DLG2: variants seen among roughly 807,000 people sequenced by gnomAD.
DLG2 encodes discs large MAGUK scaffold protein 2, also known as disks large homolog 2.
A neutral mutation model predicts 132.5 loss-of-function variants in DLG2; 45 were observed. The ratio of observed to expected loss-of-function variants is 0.34; its 90% CI spans 0.27 to 0.44. The LOEUF (loss-of-function observed/expected upper bound fraction) is 0.44. Among genes scored for constraint, DLG2 ranks in the 20% least tolerant of loss-of-function variants. The probability of loss-of-function intolerance (pLI) is 1.00; values close to 1 mark genes in which losing one functional copy is unlikely to be tolerated. For synonymous variants in DLG2, 424 were observed against 419.6 expected (o/e 1.01, Z -0.13); for missense variants, 1,045 against 1,196.9 (o/e 0.87, Z 1.87).
intron 6 of DLG2, among the ~76,000 whole-genome samples, chr11:84,538,407 T>A (rs2099360562): frequency 6.6e-6 from 1 of 152,186 alleles, no homozygotes; most frequent in South Asian, 2.1e-4. Flanking sequence ...ACATTACCCT[T>A]AGGTGATTGA....
intron 2 of DLG2, among the ~76,000 whole-genome samples, chr11:85,612,615 G>A (rs1321735738): frequency 6.6e-6 from 1 of 152,038 alleles, no homozygotes; most frequent in Non-Finnish European, 1.5e-5. Context: ...AAACTTACAA[G>A]GTTTTCAACA....
At chr11:84,057,955 C>T (rs1489109818) in intron 11 of DLG2, among the ~76,000 whole-genome samples, 1 of 152,110 alleles carries the variant, frequency 6.6e-6, no homozygotes, top group Non-Finnish European at 1.5e-5. Context: ...TACCATGTGC[C>T]AGCTATTGGC....
At chr11:84,831,964 T>C (rs996571938) in intron 6 of DLG2, among the ~76,000 whole-genome samples, 5 of 151,578 alleles carry the variant, frequency 3.3e-5, no homozygotes, top group African/African-American at 1.2e-4. Context: ...GCCTCTTAAA[T>C]GGCAGGTACT....
At chr11:85,588,363 G>A (rs2153231284) in intron 3 of DLG2, among the ~76,000 whole-genome samples, 1 of 152,142 alleles carries the variant, frequency 6.6e-6, no homozygotes, top group South Asian at 2.1e-4. Context: ...CAAATTTCTT[G>A]GAGGCTTTGT....
At chr11:84,502,316 T>G (rs868161253) in intron 7 of DLG2, among the ~76,000 whole-genome samples, 1 of 7,368 alleles carries the variant, frequency 1.4e-4, no homozygotes, top group Non-Finnish European at 2.5e-4. Context: ...CTTTCTTTCT[T>G]TCTTTCTTTC....
Position 83,786,763 on chromosome 11 carries a change from G to A in DLG2, c.1752C>T (p.Ser584=), listed in dbSNP as rs200296339. ...SVNGIDLRGA[S]HEQAAAALKG... ...TTAGTGCAGCAGCTGCCTGCTCGTGGGATGCACCACGGAGGTCAATGCCAT... is the reference window on the plus strand; with the variant it reads ...TTAGTGCAGCAGCTGCCTGCTCGTGAGATGCACCACGGAGGTCAATGCCAT... Residue 584 remains serine, a synonymous_variant, in exon 18 of 28, where the codon TCC becomes TCT. Transcript: ENST00000376104. 1.3e-5 allele frequency: 21 copies of A among 1,614,074 alleles called. No homozygotes were observed. The highest frequency in any genetic ancestry group is 1.6e-5 in the Non-Finnish European group (19 of 1,180,018).
At chr11:84,210,415 C>A (rs10792736) in intron 8 of DLG2, among the ~76,000 whole-genome samples, 1 of 139,698 alleles carries the variant, frequency 7.2e-6, no homozygotes. Context: ...AGGGATAGCA[C>A]TGGGAGATAT....
chr11:83,640,280 T>C (rs144583720), intron 18 of DLG2, among the ~76,000 whole-genome samples: 97 of 152,310 alleles, frequency 6.4e-4, no homozygotes, highest in African/African-American at 2.3e-3. Flanking sequence ...TGGTGTCTTA[T>C]AATAAAGGAA....
intron 4 of DLG2, among the ~76,000 whole-genome samples, chr11:85,199,863 A>G (rs575707413): frequency 3.3e-5 from 5 of 152,326 alleles, no homozygotes; most frequent in African/African-American, 1.2e-4. Context: ...AGAATCATAT[A>G]GAAAACAAAA....
At chr11:85,340,397 C>A (rs1055690636) in intron 3 of DLG2, among the ~76,000 whole-genome samples, 1 of 152,122 alleles carries the variant, frequency 6.6e-6, no homozygotes. Flanking sequence ...GGACAGAAAA[C>A]CAAACACTGC....
chr11:85,578,179 G>T (rs1189612134), intron 3 of DLG2, among the ~76,000 whole-genome samples: 1 of 152,098 alleles, frequency 6.6e-6, no homozygotes, highest in Non-Finnish European at 1.5e-5. Flanking sequence ...GTGATAACTG[G>T]CTAGCCATAT....
At chr11:83,597,175 A>C (rs1302090782) in intron 19 of DLG2, among the ~76,000 whole-genome samples, 1 of 152,198 alleles carries the variant, frequency 6.6e-6, no homozygotes, top group Non-Finnish European at 1.5e-5. Flanking sequence ...AGATTAAATT[A>C]GGTAACATCA....
chr11:85,123,211 T>C (rs1356902934), intron 5 of DLG2, among the ~76,000 whole-genome samples: 1 of 151,462 alleles, frequency 6.6e-6, no homozygotes, highest in Non-Finnish European at 1.5e-5. Context: ...TTTCCTGACC[T>C]CGTGATCCGC....
intron 6 of DLG2, among the ~76,000 whole-genome samples, chr11:84,881,194 T>C (rs1202703180): frequency 6.6e-6 from 1 of 152,120 alleles, no homozygotes; most frequent in Non-Finnish European, 1.5e-5. Flanking sequence ...TCCCATGACA[T>C]TTGCAAAGCC....
intron 4 of DLG2, among the ~76,000 whole-genome samples, chr11:85,200,791 C>T (rs1484756846): frequency 1.3e-5 from 2 of 152,136 alleles, no homozygotes; most frequent in African/African-American, 4.8e-5. Flanking sequence ...CAAGGGACCT[C>T]CCTCTCAGCT....
At chr11:83,820,513 A>G (rs576823056) in intron 17 of DLG2, among the ~76,000 whole-genome samples, 2 of 152,336 alleles carry the variant, frequency 1.3e-5, no homozygotes, top group South Asian at 4.1e-4. Flanking sequence ...ATATGTAACA[A>G]GGTAAACTAT....
intron 6 of DLG2, among the ~76,000 whole-genome samples, chr11:84,681,215 A>G (rs1011856804): frequency 1.3e-5 from 2 of 152,246 alleles, no homozygotes; most frequent in Admixed American, 1.3e-4. Flanking sequence ...GGACCACTTC[A>G]AACTAATCAT....
intron 11 of DLG2, among the ~76,000 whole-genome samples, chr11:84,003,050 ATC>A (rs1394484316): frequency 2.6e-5 from 4 of 152,166 alleles, no homozygotes; most frequent in African/African-American, 9.7e-5. Flanking sequence ...ACCCTAAATC[ATC>A]TCTCTTAAGT....
chr11:83,868,917 T>C (rs982398424), intron 16 of DLG2, among the ~76,000 whole-genome samples: 13 of 152,192 alleles, frequency 8.5e-5, no homozygotes, highest in African/African-American at 2.9e-4. Context: ...TGGATAGAGA[T>C]GACTCAAGCC....
Sources: allele counts gnomAD v4.1 joint callset (sites outside exome capture counted in the v4.1 genomes callset), GRCh38; gene constraint gnomAD v4.1.1; transcripts MANE v1.5; gene names NCBI Gene and HGNC (gene_info 2026-07-23, HGNC 2026-07-21).